DYNC1I1: variants seen among roughly 807,000 people sequenced by gnomAD.
DYNC1I1 encodes cytoplasmic dynein 1 intermediate chain 1.
A neutral mutation model predicts 86.6 loss-of-function variants in DYNC1I1; 43 were observed. That is an observed-to-expected ratio of 0.50 (90% confidence interval 0.39 to 0.64). DYNC1I1 has a LOEUF of 0.64. Ranked by LOEUF, DYNC1I1 falls within the 30% of genes least tolerant of loss-of-function variation. DYNC1I1 has a pLI of 0.00. For missense variants in DYNC1I1, 604 were observed against 788.8 expected (o/e 0.77, Z 2.81); for synonymous variants, 262 against 283.7 (o/e 0.92, Z 0.77).
chr7:95,841,413 A>G (rs1001554390), intron 5 of DYNC1I1, among the ~76,000 whole-genome samples: 1 of 151,484 alleles, frequency 6.6e-6, no homozygotes, highest in African/African-American at 2.4e-5. Context: ...TCCCAGGGAG[A>G]ATCTGAGAGC....
At chr7:95,864,703 C>T (rs2706895) in intron 5 of DYNC1I1, among the ~76,000 whole-genome samples, 117,247 of 152,000 alleles carry the variant, frequency 0.77, 45,947 homozygotes, top group Middle Eastern at 0.88. Context: ...TTTTGTATAC[C>T]GCAATCTACT....
intron 1 of DYNC1I1, among the ~76,000 whole-genome samples, chr7:95,803,827 G>C (rs1207157732): frequency 6.6e-6 from 1 of 151,992 alleles, no homozygotes; most frequent in African/African-American, 2.4e-5. Context: ...TTTTCATTTG[G>C]GAGCACAAAA....
At chr7:95,821,108 C>T (rs1795066380) in intron 4 of DYNC1I1, among the ~76,000 whole-genome samples, 1 of 152,196 alleles carries the variant, frequency 6.6e-6, no homozygotes, top group Admixed American at 6.5e-5. Context: ...CCTCACACGT[C>T]ACACCCATCT....
chr7:95,959,035 G>A (rs1356407186), intron 6 of DYNC1I1, among the ~76,000 whole-genome samples: 1 of 152,188 alleles, frequency 6.6e-6, no homozygotes, highest in African/African-American at 2.4e-5. Flanking sequence ...TAAACTTGAA[G>A]CTATGCTTTG....
At chr7:96,015,545 A>G (rs1239917251) in intron 10 of DYNC1I1, among the ~76,000 whole-genome samples, 1 of 152,144 alleles carries the variant, frequency 6.6e-6, no homozygotes. Context: ...TTTTATTCAC[A>G]TATTTTTCTT....
At chr7:95,998,632 A>G (rs1339220503) in intron 10 of DYNC1I1, among the ~76,000 whole-genome samples, 1 of 152,248 alleles carries the variant, frequency 6.6e-6, no homozygotes, top group Non-Finnish European at 1.5e-5. Context: ...GATAATTTCA[A>G]AATTAGACAA....
intron 7 of DYNC1I1, among the ~76,000 whole-genome samples, chr7:95,981,782 C>T (rs906047702): frequency 6.6e-6 from 1 of 152,082 alleles, no homozygotes; most frequent in African/African-American, 2.4e-5. Flanking sequence ...AACTATTATC[C>T]ATGCCCACAT....
At chr7:95,809,942 A>G (rs1019919961) in intron 2 of DYNC1I1, among the ~76,000 whole-genome samples, 2 of 152,138 alleles carry the variant, frequency 1.3e-5, no homozygotes, top group African/African-American at 4.8e-5. Context: ...AAATTTTCAT[A>G]AATAGTTTCA....
At chr7:95,942,441 G>T (rs543222523) in intron 6 of DYNC1I1, among the ~76,000 whole-genome samples, 112 of 152,296 alleles carry the variant, frequency 7.4e-4, no homozygotes, top group African/African-American at 2.6e-3. Flanking sequence ...TCTACCAGAG[G>T]TACAAGGAGG....
chr7:96,085,825 T>G (rs1270526209), intron 16 of DYNC1I1, among the ~76,000 whole-genome samples: 5 of 152,236 alleles, frequency 3.3e-5, no homozygotes, highest in Non-Finnish European at 1.5e-5. Context: ...TTGCAATTTG[T>G]TTGTTTTGGA....
chr7:96,103,610 A>G (rs1319005642), intron 16 of DYNC1I1, among the ~76,000 whole-genome samples: 1 of 151,564 alleles, frequency 6.6e-6, no homozygotes, highest in Non-Finnish European at 1.5e-5. Flanking sequence ...CAGGCTCTAT[A>G]TGGATTTTTT....
intron 5 of DYNC1I1, among the ~76,000 whole-genome samples, chr7:95,845,423 AC>A (rs1457969103): frequency 6.6e-6 from 1 of 152,112 alleles, no homozygotes; most frequent in African/African-American, 2.4e-5. Context: ...AACAGATGTA[AC>A]CCCATTAGCC....
At chr7:95,993,666 T>C (rs1441155004) in intron 9 of DYNC1I1, among the ~76,000 whole-genome samples, 1 of 152,198 alleles carries the variant, frequency 6.6e-6, no homozygotes, top group African/African-American at 2.4e-5. Flanking sequence ...TGTGTGTCAC[T>C]GTACGCTTAT....
chr7:95,878,704 G>T (rs1177860763), intron 6 of DYNC1I1, among the ~76,000 whole-genome samples: 1 of 152,070 alleles, frequency 6.6e-6, no homozygotes, highest in Admixed American at 6.6e-5. Flanking sequence ...CAAATTTGAT[G>T]AAAAACTTTA....
chr7:95,917,655 T>C (rs1302404193), intron 6 of DYNC1I1, among the ~76,000 whole-genome samples: 1 of 152,174 alleles, frequency 6.6e-6, no homozygotes, highest in Non-Finnish European at 1.5e-5. Flanking sequence ...GGGAATTGCA[T>C]TTGCTAGTCA....
chr7:95,773,804 C>G (rs916997963), intron 1 of DYNC1I1, among the ~76,000 whole-genome samples: 1 of 152,098 alleles, frequency 6.6e-6, no homozygotes, highest in Non-Finnish European at 1.5e-5. Context: ...AGGTGACAAC[C>G]CAACGCCTGA....
chr7:95,841,590 G>GA (rs1475086281), intron 5 of DYNC1I1, among the ~76,000 whole-genome samples: 1 of 152,144 alleles, frequency 6.6e-6, no homozygotes, highest in Non-Finnish European at 1.5e-5. Flanking sequence ...AGCAGCAGAT[G>GA]AAAAAAATCA....
At chr7:95,793,452 A>C (rs78233949) in intron 1 of DYNC1I1, among the ~76,000 whole-genome samples, 10,394 of 152,008 alleles carry the variant, frequency 0.068, 485 homozygotes, top group Non-Finnish European at 0.097. Flanking sequence ...GAAGAGGAAA[A>C]GGGAACTCCC....
intron 14 of DYNC1I1, among the ~76,000 whole-genome samples, chr7:96,041,616 C>G (rs1789054918): frequency 1.3e-5 from 2 of 151,932 alleles, no homozygotes; most frequent in African/African-American, 4.8e-5. Flanking sequence ...GTACCTCCAC[C>G]CAAGAGAGTA....
Sources: gnomAD v4.1 joint callset for allele counts (sites outside exome capture counted in the v4.1 genomes callset) on GRCh38, gnomAD v4.1.1 for gene constraint, MANE v1.5 for transcripts, NCBI Gene and HGNC (gene_info 2026-07-23, HGNC 2026-07-21) for gene names.